Variants in PLCB3 observed in about 807,000 individuals in gnomAD.
The protein encoded by PLCB3 is 1-phosphatidylinositol 4,5-bisphosphate phosphodiesterase beta-3.
A neutral mutation model predicts 152.1 loss-of-function variants in PLCB3; 54 were observed. The ratio of observed to expected loss-of-function variants is 0.36; its 90% CI spans 0.29 to 0.45. The LOEUF (loss-of-function observed/expected upper bound fraction) is 0.45. PLCB3 is among the 20% of genes least tolerant of loss of function. The probability of loss-of-function intolerance (pLI) is 1.00; values close to 1 mark genes in which losing one functional copy is unlikely to be tolerated. For synonymous variants in PLCB3, 717 were observed against 698.7 expected (o/e 1.03, Z -0.41); for missense variants, 1,248 against 1,687.5 (o/e 0.74, Z 4.56).
chr11:64,257,509 T>C, intron 10 of PLCB3, among the ~76,000 whole-genome samples: 1 of 151,716 alleles, frequency 6.6e-6, no homozygotes, highest in African/African-American at 2.4e-5. Context: ...CCTAGCTGCT[T>C]GGGAGGGTGA....
At chr11:64,264,427 T>C (rs2032009833) in intron 22 of PLCB3, among the ~76,000 whole-genome samples, 1 of 152,084 alleles carries the variant, frequency 6.6e-6, no homozygotes, top group South Asian at 2.1e-4. Context: ...GGCAGTGGCT[T>C]CCGTGGGGAG....
chr11:64,264,882 G>A lies in PLCB3; in HGVS notation c.2653-69G>A, dbSNP rs2032030371. On this transcript the variant is annotated intron_variant, in intron 22 of 30. Transcript: ENST00000279230. The stretch of plus-strand genomic sequence containing the variant: ...ACAGGGGTGCTAGGGGACCCAGGAG[G>A]TGGTAGAGGACAGAAGGGTCTGGAG... The A allele has an allele frequency of 2.0e-6, 3 of 1,498,930 alleles. No homozygotes were observed. In the South Asian group the frequency reaches 3.4e-5, roughly 17 times the overall value. The allele number at this position is 1,498,930 out of a possible 1,614,324, so 92.9% of individuals were successfully genotyped here. A position where few individuals can be genotyped will look rare whatever the true frequency, so the allele number is the denominator to read the frequency against.
rs759076306 is a variant in PLCB3 at position 64,256,644 on chromosome 11, C to T, written c.892C>T (p.Arg298Cys). The T allele has an allele frequency of 5.0e-6, 8 of 1,614,180 alleles. No homozygotes were observed. The highest frequency in any genetic ancestry group is 4.5e-5 in the East Asian group (2 of 44,888). Residue 298 changes from arginine to cysteine, a missense_variant, in exon 10 of 31, where the codon CGC becomes TGC. By Grantham distance (180) the Arg-to-Cys change is radical. This residue lies in a region of PLCB3 where 299 missense variants were observed against 434.7 expected (regional missense o/e 0.69). Transcript: ENST00000279230. ...CCAGATGTCCATGGAGGGCTTTAGC[C>T]GCTACCTGGGAGGCGAGGAGAATGG... ...RDQMSMEGFS[R>C]YLGGEENGIL... is the part of the protein sequence containing the mutation.
chr11:64,258,981 C>CGGAGCGAGGGGGGTGGCATG lies in PLCB3; in HGVS notation c.1338+15_1338+34dup. On this transcript the variant is annotated intron_variant, in intron 12 of 30. Coordinates refer to ENST00000279230, the MANE Select transcript of PLCB3 (RefSeq NM_000932.5). The surrounding 1 kb of genome is among the most constrained non-coding windows in gnomAD (Gnocchi z 7.2). ...TGGACAAGTACCCGGTACGGGAGCT[C>CGGAGCGAGGGGGGTGGCATG]GGAGCGAGGGGGGTGGCATGGGGGC... The CGGAGCGAGGGGGGTGGCATG allele has an allele frequency of 6.2e-7, 1 of 1,613,762 alleles. No homozygotes were observed. Among genetic ancestry groups the CGGAGCGAGGGGGGTGGCATG allele is most frequent in the South Asian group, 1.1e-5 (1 of 91,072 alleles).
At chr11:64,259,840 C>T (rs2031748837) in intron 13 of PLCB3, among the ~76,000 whole-genome samples, 189 bp from the exon 14 acceptor site, 1 of 152,170 alleles carries the variant, frequency 6.6e-6, no homozygotes, top group Admixed American at 6.5e-5. Context: ...CCTATGACCC[C>T]TCTCAACCCA....
intron 10 of PLCB3, among the ~76,000 whole-genome samples, chr11:64,257,724 G>C (rs758985380): frequency 6.6e-6 from 1 of 152,134 alleles, no homozygotes; most frequent in Non-Finnish European, 1.5e-5. Flanking sequence ...GAGCAAGGCA[G>C]GGCTAAGCCC....
rs745702221 is a variant in PLCB3, at chr11:64,261,651, C to G, written c.1899C>G (p.Pro633=). The G allele has an allele frequency of 1.9e-6, 3 of 1,613,940 alleles. No individual in the cohort carries two copies. The South Asian group carries it at 3.3e-5, about 18-fold the overall frequency. ...TKAMEQLTKS[P]MEFVEYNKQQ... is the part of the protein sequence containing the mutation. The stretch of plus-strand genomic sequence containing the variant: ...CCATGGAGCAACTGACCAAGAGCCC[C>G]ATGGAGTTTGTGGAGTATCCTTTGA... Residue 633 remains proline, a synonymous_variant, in exon 16 of 31, where the codon CCC becomes CCG. Transcript: ENST00000279230.
intron 25 of PLCB3, 151 bp from the exon 26 acceptor site, chr11:64,265,735 T>G: frequency 8.2e-7 from 1 of 1,218,706 alleles, no homozygotes; most frequent in African/African-American, 1.5e-5. Flanking sequence ...ATCACTTGGG[T>G]GGAGCTAACA....
At position 64,267,312 on chromosome 11, in the gene PLCB3, G is replaced by A; in HGVS notation, c.3501+41G>A. The A allele has an allele frequency of 6.4e-7, 1 of 1,550,688 alleles. No homozygotes were observed. The highest frequency in any genetic ancestry group is 8.7e-7 in the Non-Finnish European group (1 of 1,146,748). ...AACAGGTGGGCAGACGGGGTGCAAGGCAGCCAGGCCTCGCCTGTGATGCCC... is the reference window on the plus strand; with the variant it reads ...AACAGGTGGGCAGACGGGGTGCAAGACAGCCAGGCCTCGCCTGTGATGCCC... On this transcript the variant is annotated intron_variant, in intron 30 of 30. Transcript: ENST00000279230. This position sits in a 1 kb window ranked among gnomAD's most constrained non-coding sequence, Gnocchi z 5.2.
downstream of PLCB3, among the ~76,000 whole-genome samples, chr11:64,268,210 T>G (rs142758543): frequency 2.1e-3 from 315 of 152,290 alleles, 4 homozygotes; most frequent in Middle Eastern, 0.037. Context: ...TCAGGAAGCC[T>G]TCCCTGCCCC....
intron 19 of PLCB3, 126 bp downstream of exon 19, chr11:64,262,934 A>G: frequency 1.0e-6 from 1 of 967,632 alleles, no homozygotes; most frequent in East Asian, 2.5e-5. Context: ...GGGGGGTGCC[A>G]TGGGTCCCCC....
rs746878888 is a variant in PLCB3, at chr11:64,261,629, T to C, written c.1877T>C (p.Met626Thr). 6.2e-7 allele frequency: 1 copy of C among 1,613,854 alleles called. No homozygotes were observed. The highest frequency in any genetic ancestry group is 1.3e-5 in the African/African-American group (1 of 74,914). ...EMSSFVETKAMEQLTKSPMEF... is the reference protein window; with the variant it reads ...EMSSFVETKATEQLTKSPMEF... ...TCGTCCTTTGTGGAGACCAAGGCCATGGAGCAACTGACCAAGAGCCCCATG... is the reference window on the plus strand; with the variant it reads ...TCGTCCTTTGTGGAGACCAAGGCCACGGAGCAACTGACCAAGAGCCCCATG... Residue 626 changes from methionine (M) to threonine (T), a missense_variant, in exon 16 of 31, where the codon ATG becomes ACG. By Grantham distance (81) the Met-to-Thr change is moderately conservative. Around this residue, in one of 6 missense-constraint regions of PLCB3, gnomAD observed 244 missense variants for 424.4 expected, o/e 0.57. Transcript: ENST00000279230.
intron 16 of PLCB3, 111 bp downstream of exon 16, chr11:64,261,776 G>A (rs2031865318): frequency 2.1e-6 from 3 of 1,398,422 alleles, no homozygotes; most frequent in South Asian, 1.2e-5. Flanking sequence ...GCCCTCCGGC[G>A]GCCCTCCTGC....
At chr11:64,260,573 G>GTCGCGGGGAGCATTT (rs1431906635) in intron 14 of PLCB3, among the ~76,000 whole-genome samples, 3 of 152,046 alleles carry the variant, frequency 2.0e-5, no homozygotes, top group African/African-American at 7.2e-5. Flanking sequence ...GGGGAGCATT[G>GTCGCGGGGAGCATTT]TCATGGGGAG....
Position 64,255,948 on chromosome 11 carries a change from G to T in PLCB3, c.698+127G>T. 2.8e-6 allele frequency: 2 copies of T among 724,970 alleles called. No homozygotes were observed. Among genetic ancestry groups the T allele is most frequent in the East Asian group, 5.2e-5 (2 of 38,732 alleles). 44.9% of individuals were successfully genotyped at this position (724,970 alleles called of 1,614,324 possible). ...TCCTGGAGCGCCAGGGGGCGGAGGG[G>T]TGCCCAGGGAGAACCTGTCGGTGAT... is the stretch of plus-strand genomic sequence containing the variant. On this transcript the variant is annotated intron_variant, in intron 8 of 30. Transcript: ENST00000279230. The surrounding 1 kb of genome is among the most constrained non-coding windows in gnomAD (Gnocchi z 6.8).
At chr11:64,253,444 A>G (rs895142594) in intron 1 of PLCB3, among the ~76,000 whole-genome samples, 8 of 152,204 alleles carry the variant, frequency 5.3e-5, no homozygotes, top group African/African-American at 1.9e-4. Flanking sequence ...GGTGCGCAGT[A>G]GGGGCGGTGT....
At chr11:64,265,125 G>C (rs2032047980) in intron 23 of PLCB3, 21 bp downstream of exon 23, 2 of 1,553,570 alleles carry the variant, frequency 1.3e-6, no homozygotes, top group Non-Finnish European at 1.7e-6. Context: ...GCCTGGGTCG[G>C]GGGTGGGCTG....
At chr11:64,265,585 A>C in intron 25 of PLCB3, 83 bp downstream of exon 25, 4 of 1,486,910 alleles carry the variant, frequency 2.7e-6, no homozygotes, top group Non-Finnish European at 3.6e-6. Context: ...GAGAGATGGC[A>C]AGAGCTGCTC....
chr11:64,265,198 G>A lies in PLCB3; in HGVS notation c.2813G>A (p.Arg938His), dbSNP rs766576084. Residue 938 changes from arginine (R) to histidine (H), a missense_variant, in exon 24 of 31, where the codon CGT (arginine) becomes CAT (histidine). Transcript: ENST00000279230. Reference sequence around the variant, plus strand: ...CAGGGCCTCTGCTCCCCAGGGCAGCGTGATGATCTCATCGCCAGCATCCTC... The same window carrying A: ...CAGGGCCTCTGCTCCCCAGGGCAGCATGATGATCTCATCGCCAGCATCCTC... ...ASTSLSSPGQRDDLIASILSE... is the reference protein window; with the variant it reads ...ASTSLSSPGQHDDLIASILSE... The A allele has an allele frequency of 5.6e-6, 9 of 1,598,176 alleles. No homozygotes were observed. The highest frequency in any genetic ancestry group is 1.7e-5 in the Admixed American group (1 of 58,572).
Sources: allele counts gnomAD v4.1 joint callset (sites outside exome capture counted in the v4.1 genomes callset), GRCh38; gene constraint gnomAD v4.1.1; regional missense constraint gnomAD v4.1.1; non-coding constraint Gnocchi (gnomAD v3.1); transcripts MANE v1.5; gene names NCBI Gene and HGNC (gene_info 2026-07-23, HGNC 2026-07-21).